KIF13B: variants seen among roughly 807,000 people sequenced by gnomAD.
KIF13B encodes kinesin-like protein KIF13B.
KIF13B carries 127 observed loss-of-function variants against 222.0 expected under a neutral mutation model. That is an observed-to-expected ratio of 0.57 (90% CI 0.50 to 0.66). The LOEUF (loss-of-function observed/expected upper bound fraction) is 0.66, where lower values mean the gene tolerates loss of function less well. KIF13B is among the 30% of genes least tolerant of loss of function. The probability of loss-of-function intolerance (pLI) is 0.00; values close to 1 mark genes in which losing one functional copy is unlikely to be tolerated. For synonymous variants in KIF13B, 976 were observed against 919.0 expected (o/e 1.06, Z -1.12); for missense variants, 2,173 against 2,379.0 (o/e 0.91, Z 1.80).
rs1158107625 is a variant in KIF13B at position 29,124,016 on chromosome 8, T to A, written c.3352+8A>T. 1 of 1,564,896 alleles carries A rather than the reference T, an allele frequency of 6.4e-7. No homozygotes were observed. The highest frequency in any genetic ancestry group is 8.8e-7 in the Non-Finnish European group (1 of 1,138,128). ...AGGGGAGAAAAATATTCTATTTGTT[T>A]TTCCTACCACGTTTACTGACAAGCT... On this transcript the variant is annotated splice_region_variant and intron_variant, in intron 27 of 39. Coordinates refer to ENST00000524189, the MANE Select transcript of KIF13B (RefSeq NM_015254.4).
intron 32 of KIF13B, among the ~76,000 whole-genome samples, chr8:29,112,056 G>T (rs1809380978): frequency 6.6e-6 from 1 of 152,200 alleles, no homozygotes; most frequent in Non-Finnish European, 1.5e-5. Context: ...ATCCAGGAAA[G>T]AACTAGTTAC....
At chr8:29,188,735 T>G in intron 4 of KIF13B, 128 bp from the exon 5 acceptor site, 1 of 638,004 alleles carries the variant, frequency 1.6e-6, no homozygotes, top group Non-Finnish European at 2.7e-6. Context: ...ATTTTTAAAT[T>G]TGACGAATGC....
chr8:29,160,758 T>C lies in KIF13B; in HGVS notation c.1379A>G (p.Asn460Ser), dbSNP rs550665832. 1.2e-6 allele frequency: 2 copies of C among 1,613,528 alleles called. No homozygotes were observed. Among genetic ancestry groups the C allele is most frequent in the Admixed American group, 1.7e-5 (1 of 59,970 alleles). The change falls in exon 13 of 40, where the codon AAT becomes AGT. Residue 460 changes from asparagine (N) to serine (S), a missense_variant. Physicochemically the swap from Asn to Ser is conservative, Grantham distance 46 (BLOSUM62 1). Coordinates refer to ENST00000524189, the MANE Select transcript of KIF13B (RefSeq NM_015254.4). Reference protein sequence around the residue: ...LVNLNADPALNELLVYYLKEH... With the variant: ...LVNLNADPALSELLVYYLKEH... ...CTTTAAATAGTACACCAGAAGCTCA[T>C]TCAGAGCTGGGTCAGCATTCAGATT...
intron 2 of KIF13B, among the ~76,000 whole-genome samples, chr8:29,208,523 A>G (rs1345205434): frequency 6.6e-6 from 1 of 152,208 alleles, no homozygotes; most frequent in Non-Finnish European, 1.5e-5. Flanking sequence ...GATTCTTAAA[A>G]TAGTCCAGAG....
At chr8:29,160,181 A>G (rs1811711594) in intron 13 of KIF13B, among the ~76,000 whole-genome samples, 2 of 152,186 alleles carry the variant, frequency 1.3e-5, no homozygotes, top group Admixed American at 6.5e-5. Flanking sequence ...GTGGATACCA[A>G]TATTTGTCTT....
intron 2 of KIF13B, among the ~76,000 whole-genome samples, chr8:29,244,766 T>C (rs75110900): frequency 0.046 from 6,953 of 152,214 alleles, 516 homozygotes; most frequent in African/African-American, 0.16. Flanking sequence ...CATACTACCA[T>C]ACATATCTAG....
intron 12 of KIF13B, among the ~76,000 whole-genome samples, chr8:29,163,792 A>T: frequency 6.6e-6 from 1 of 152,216 alleles, no homozygotes; most frequent in East Asian, 1.9e-4. Flanking sequence ...GCCAACACTA[A>T]GCTCCCCAAG....
rs191730492 is a variant in KIF13B at position 29,258,679 on chromosome 8, A to G, written c.55+4301T>C. ...GCCATACTTCCTCCTCAAAGAATACATGCCATCCCCTCTCCCGTGCTCACA... is the reference window on the plus strand; with the variant it reads ...GCCATACTTCCTCCTCAAAGAATACGTGCCATCCCCTCTCCCGTGCTCACA... On this transcript the variant is annotated intron_variant, in intron 1 of 39. Coordinates refer to ENST00000524189, the MANE Select transcript of KIF13B (RefSeq NM_015254.4). 4.5e-3 allele frequency among the ~76,000 whole-genome samples: 691 copies of G among 152,150 alleles called. 2 individuals are homozygous for G. Among genetic ancestry groups the G allele is most frequent in the Middle Eastern group, 6.8e-3 (2 of 292 alleles).
At chr8:29,098,469 G>C (rs1041318252) in intron 36 of KIF13B, among the ~76,000 whole-genome samples, 1 of 151,458 alleles carries the variant, frequency 6.6e-6, no homozygotes, top group African/African-American at 2.4e-5. Flanking sequence ...CAGGCGTGGT[G>C]GTGGGCGCCT....
At chr8:29,073,251 CAG>C (rs1807397883) in intron 38 of KIF13B, among the ~76,000 whole-genome samples, 1 of 151,510 alleles carries the variant, frequency 6.6e-6, no homozygotes, top group Non-Finnish European at 1.5e-5. Context: ...GGTGCCATGT[CAG>C]GGGCTGGGGG....
intron 5 of KIF13B, 43 bp from the exon 6 acceptor site, chr8:29,186,515 G>A (rs372141995): frequency 1.6e-3 from 2,364 of 1,489,328 alleles, no homozygotes; most frequent in Non-Finnish European, 2.0e-3. Flanking sequence ...TCTTTGAGAC[G>A]TTAAATACAT....
At position 29,072,149 on chromosome 8, in the gene KIF13B, T is replaced by C; in HGVS notation, c.4689A>G (p.Glu1563=). 1 of 1,407,818 alleles carries C rather than the reference T, an allele frequency of 7.1e-7. No individual in the cohort carries two copies. 87.2% of individuals were successfully genotyped at this position (1,407,818 alleles called of 1,614,324 possible). A position where few individuals can be genotyped will look rare whatever the true frequency, so the allele number is the denominator to read the frequency against. Residue 1563 remains glutamate (E), a synonymous_variant, in exon 39 of 40, where the codon GAA becomes GAG. Coordinates refer to ENST00000524189, the MANE Select transcript of KIF13B (RefSeq NM_015254.4). The part of the protein sequence containing the change: ...AQDGPPSPLS[E]ASSGYFSHSV... ...TGTGGGAGAAGTACCCGCTAGAGGC[T>C]TCACTCAGGGGGCTGGGGGGCCCGT...
intron 2 of KIF13B, among the ~76,000 whole-genome samples, chr8:29,202,397 A>C (rs962894558): frequency 1.3e-5 from 2 of 152,072 alleles, no homozygotes; most frequent in African/African-American, 4.8e-5. Context: ...GGCTCACTGT[A>C]ATCTCTGCCT....
chr8:29,144,220 T>G (rs542943462), intron 18 of KIF13B, among the ~76,000 whole-genome samples: 30 of 152,232 alleles, frequency 2.0e-4, no homozygotes, highest in African/African-American at 7.0e-4. Flanking sequence ...ATTTAAATAA[T>G]AAAACAAACA....
chr8:29,209,885 C>CA (rs11414197), intron 2 of KIF13B, among the ~76,000 whole-genome samples: 73,359 of 107,392 alleles, frequency 0.68, 24,509 homozygotes, highest in Non-Finnish European at 0.76. Context: ...TACCTCTCCA[C>CA]AAAAAAAAAA....
rs1812531068 is a variant in KIF13B, at chr8:29,177,509, C to T, written c.790G>A (p.Gly264Ser). 1.2e-6 allele frequency: 2 copies of T among 1,613,886 alleles called. No homozygotes were observed. The highest frequency in any genetic ancestry group is 1.7e-4 in the Middle Eastern group (1 of 6,060). ...LAGSERATKT[G>S]AAGDRLKEGS... Reference sequence around the variant, plus strand: ...TCCTTCAGCCTGTCCCCTGCAGCGCCTGTCTTCGTTGCTCGTTCACTGCCA... The same window carrying T: ...TCCTTCAGCCTGTCCCCTGCAGCGCTTGTCTTCGTTGCTCGTTCACTGCCA... The change falls in exon 9 of 40, where the codon GGC (glycine) becomes AGC (serine). Residue 264 changes from glycine to serine, a missense_variant. Gly to Ser is a moderately conservative substitution (Grantham distance 56, BLOSUM62 0). Around this residue, in one of 2 missense-constraint regions of KIF13B, gnomAD observed 1,480 missense variants for 1,722.8 expected, o/e 0.86. Coordinates refer to ENST00000524189, the MANE Select transcript of KIF13B (RefSeq NM_015254.4).
chr8:29,250,741 A>C (rs943122328), intron 1 of KIF13B, among the ~76,000 whole-genome samples: 3 of 152,218 alleles, frequency 2.0e-5, no homozygotes, highest in African/African-American at 7.2e-5. Context: ...ACACATGCCC[A>C]ATCAAATAAA....
At chr8:29,110,116 C>T (rs1437602646) in intron 32 of KIF13B, 46 bp from the exon 33 acceptor site, 6 of 1,484,446 alleles carry the variant, frequency 4.0e-6, no homozygotes, top group Non-Finnish European at 4.6e-6. Flanking sequence ...TTGATGTACA[C>T]ACACACACGT....
intron 12 of KIF13B, among the ~76,000 whole-genome samples, chr8:29,163,513 G>T (rs1811870098): frequency 6.6e-6 from 1 of 152,178 alleles, no homozygotes; most frequent in Non-Finnish European, 1.5e-5. Context: ...ATCTGACCAT[G>T]GACCATGTCA....
Sources: allele counts gnomAD v4.1 joint callset (sites outside exome capture counted in the v4.1 genomes callset), GRCh38; gene constraint gnomAD v4.1.1; regional missense constraint gnomAD v4.1.1; transcripts MANE v1.5; gene names NCBI Gene and HGNC (gene_info 2026-07-23, HGNC 2026-07-21).